The following SRPK2 variants were observed in gnomAD, a reference collection of about 807,000 sequenced individuals.
The protein encoded by SRPK2 is SFRS protein kinase 2.
In SRPK2, 21 loss-of-function variants were observed where a neutral mutation model predicts 90.8. That is an observed-to-expected ratio of 0.23 (90% CI 0.16 to 0.33). The LOEUF (loss-of-function observed/expected upper bound fraction) is 0.33. Among genes scored for constraint, SRPK2 ranks in the 10% least tolerant of loss-of-function variants. The pLI is 1.00. For synonymous variants in SRPK2, 288 were observed against 311.1 expected, an observed-to-expected ratio of 0.93 and a Z score of 0.78; for missense variants, 620 against 869.0, an observed-to-expected ratio of 0.71 and a Z score of 3.60.
In SRPK2 at chr7:105,204,624, C is replaced by T. The variant is rs1162027976; in HGVS notation, c.72-839G>A. The T allele has an allele frequency of 4.1e-6, 3 of 727,264 alleles. No homozygotes were observed. The East Asian group carries it at 1.6e-4, about 39-fold the overall frequency. 45.1% of individuals were successfully genotyped at this position (727,264 alleles called of 1,614,324 possible). A position where few individuals can be genotyped will look rare whatever the true frequency, so the allele number is the denominator to read the frequency against. ...GATGACGGCTGCTGTGGAAAGGTTG[C>T]TCTGAGGGTCAGTTGCCCGACATGT... On this transcript the variant is annotated intron_variant, in intron 2 of 15. Transcript: ENST00000393651.
chr7:105,179,893 C>T (rs1167151583), intron 3 of SRPK2, among the ~76,000 whole-genome samples: 1 of 148,206 alleles, frequency 6.7e-6, no homozygotes, highest in East Asian at 2.0e-4. Context: ...AGTGAAAGAT[C>T]TCTACAATAA....
At chr7:105,223,800 A>T (rs1030158511) in intron 2 of SRPK2, among the ~76,000 whole-genome samples, 1 of 152,244 alleles carries the variant, frequency 6.6e-6, no homozygotes, top group African/African-American at 2.4e-5. Context: ...TTAAAAAATG[A>T]AATAAAAGTA....
intron 3 of SRPK2, among the ~76,000 whole-genome samples, chr7:105,175,509 A>G (rs1406846690): frequency 6.6e-6 from 1 of 152,130 alleles, no homozygotes; most frequent in Non-Finnish European, 1.5e-5. Flanking sequence ...GAATGAAAAT[A>G]TAATAATAAT....
intron 11 of SRPK2, among the ~76,000 whole-genome samples, chr7:105,134,305 C>T (rs190217557): frequency 6.6e-6 from 1 of 152,218 alleles, no homozygotes; most frequent in East Asian, 1.9e-4. Context: ...TGAGTTCTCA[C>T]GAGATCTGGT....
In SRPK2 at chr7:105,277,202, G is replaced by A. The variant is rs915943350; in HGVS notation, c.72-73417C>T. On this transcript the variant is annotated intron_variant, in intron 2 of 15. Coordinates refer to ENST00000393651, the MANE Select transcript of SRPK2 (RefSeq NM_182692.3). ...CACCAGTCTCCTGTCTCAGCCTCCC[G>A]AGTAGCTGGGACTACAGGCGCCCAC... 1.9e-4 allele frequency among the ~76,000 whole-genome samples: 29 copies of A among 151,924 alleles called. 1 individual carries two copies. The highest frequency in any genetic ancestry group is 2.6e-4 in the Admixed American group (4 of 15,270).
intron 2 of SRPK2, among the ~76,000 whole-genome samples, chr7:105,280,464 T>G (rs140916721): frequency 2.0e-5 from 3 of 151,948 alleles, no homozygotes; most frequent in Non-Finnish European, 4.4e-5. Context: ...ATTATTTATT[T>G]TATTATTATT....
At chr7:105,316,719 C>T (rs1812349489) in intron 2 of SRPK2, among the ~76,000 whole-genome samples, 1 of 152,198 alleles carries the variant, frequency 6.6e-6, no homozygotes, top group Non-Finnish European at 1.5e-5. Context: ...GACAAAGTTA[C>T]TCTGACCTTT....
At chr7:105,226,521 AC>A (rs1188350687) in intron 2 of SRPK2, among the ~76,000 whole-genome samples, 2 of 152,004 alleles carry the variant, frequency 1.3e-5, no homozygotes, top group Non-Finnish European at 2.9e-5. Context: ...AGAACTCCTG[AC>A]CTCAGGTGAT....
chr7:105,233,599 T>A (rs899759776), intron 2 of SRPK2, among the ~76,000 whole-genome samples: 5 of 152,146 alleles, frequency 3.3e-5, no homozygotes, highest in Non-Finnish European at 7.3e-5. Flanking sequence ...ACACCTGTTA[T>A]CCCCAGCACT....
At chr7:105,179,789 C>A (rs1184575857) in intron 3 of SRPK2, among the ~76,000 whole-genome samples, 1 of 126,550 alleles carries the variant, frequency 7.9e-6, no homozygotes, top group Non-Finnish European at 1.6e-5. Flanking sequence ...TGCGCCATTG[C>A]ACTCCAGCCT....
chr7:105,170,571 G>A (rs1367408848), intron 3 of SRPK2, among the ~76,000 whole-genome samples: 1 of 151,454 alleles, frequency 6.6e-6, no homozygotes, highest in Non-Finnish European at 1.5e-5. Context: ...GCGAACTCCT[G>A]TAATCCCAGC....
chr7:105,153,511 CG>C (rs1806041563), intron 7 of SRPK2, among the ~76,000 whole-genome samples: 1 of 152,198 alleles, frequency 6.6e-6, no homozygotes, highest in African/African-American at 2.4e-5. Flanking sequence ...GTAGATAAGT[CG>C]GGGAACAGTC....
chr7:105,298,105 G>C (rs144259427), intron 2 of SRPK2, among the ~76,000 whole-genome samples: 90 of 152,226 alleles, frequency 5.9e-4, no homozygotes, highest in African/African-American at 2.0e-3. Flanking sequence ...TGACACAGTT[G>C]TGTAACCACT....
At chr7:105,266,940 C>A (rs918015014) in intron 2 of SRPK2, among the ~76,000 whole-genome samples, 11 of 152,128 alleles carry the variant, frequency 7.2e-5, no homozygotes, top group Non-Finnish European at 1.3e-4. Flanking sequence ...AACGAAACAA[C>A]TTCTATGTTT....
chr7:105,337,360 G>A (rs1815218712), intron 2 of SRPK2, among the ~76,000 whole-genome samples: 1 of 151,562 alleles, frequency 6.6e-6, no homozygotes, highest in African/African-American at 2.4e-5. Context: ...TGTTGCCCAG[G>A]CTGGAGTGCA....
At chr7:105,295,681 A>G (rs1239751136) in intron 2 of SRPK2, among the ~76,000 whole-genome samples, 1 of 152,192 alleles carries the variant, frequency 6.6e-6, no homozygotes, top group Non-Finnish European at 1.5e-5. Context: ...AAAATTTCTA[A>G]AAACAGTGGT....
At chr7:105,394,335 G>C, upstream of SRPK2, among the ~76,000 whole-genome samples, 1 of 151,924 alleles carries the variant, frequency 6.6e-6, no homozygotes, top group Non-Finnish European at 1.5e-5. Context: ...TGGAGATGGG[G>C]TTTCACCATA....
intron 2 of SRPK2, among the ~76,000 whole-genome samples, chr7:105,364,543 G>A (rs1818813770): frequency 6.6e-6 from 1 of 151,916 alleles, no homozygotes. Flanking sequence ...TGGGATTACA[G>A]GTACCCGCCA....
At chr7:105,305,724 G>A (rs1297139316) in intron 2 of SRPK2, among the ~76,000 whole-genome samples, 2 of 152,112 alleles carry the variant, frequency 1.3e-5, no homozygotes, top group African/African-American at 4.8e-5. Context: ...AAGATTAACA[G>A]GAGGGGGAAA....
Sources: allele counts gnomAD v4.1 joint callset (sites outside exome capture counted in the v4.1 genomes callset), GRCh38; gene constraint gnomAD v4.1.1; transcripts MANE v1.5; gene names NCBI Gene and HGNC (gene_info 2026-07-23, HGNC 2026-07-21).